SUSD4: variants seen among roughly 807,000 people sequenced by gnomAD.
SUSD4 encodes the protein sushi domain containing 4, also known as sushi domain-containing protein 4.
In SUSD4, 41 loss-of-function variants were observed where a neutral mutation model predicts 50.5. The observed-to-expected ratio is 0.81, with a 90% CI of 0.63 to 1.05. The LOEUF (loss-of-function observed/expected upper bound fraction) is 1.05, where lower values mean the gene tolerates loss of function less well. Among genes scored for constraint, SUSD4 ranks in the 50% least tolerant of loss-of-function variants. SUSD4 has a pLI of 0.00. For missense variants in SUSD4, 580 were observed against 634.7 expected, an observed-to-expected ratio of 0.91 and a Z score of 0.93; for synonymous variants, 257 against 257.3, an observed-to-expected ratio of 1.00 and a Z score of 0.01.
chr1:223,278,924 T>G (rs573985267), intron 3 of SUSD4, among the ~76,000 whole-genome samples: 7 of 152,362 alleles, frequency 4.6e-5, no homozygotes, highest in African/African-American at 4.8e-5. Flanking sequence ...TTTGCCGTTC[T>G]GCAGCCTCCA....
intron 2 of SUSD4, among the ~76,000 whole-genome samples, chr1:223,361,502 G>GA (rs1668976194): frequency 6.6e-6 from 1 of 151,966 alleles, no homozygotes; most frequent in Admixed American, 6.6e-5. Context: ...GGAAGGCAGG[G>GA]AAAAAAGACA....
chr1:223,271,783 C>A (rs1318555246), intron 3 of SUSD4, among the ~76,000 whole-genome samples: 1 of 152,138 alleles, frequency 6.6e-6, no homozygotes, highest in East Asian at 1.9e-4. Context: ...CCAGTGAGTT[C>A]TCTGTAGTAG....
intron 5 of SUSD4, among the ~76,000 whole-genome samples, chr1:223,256,360 G>C (rs189643924): frequency 1.3e-3 from 192 of 152,288 alleles, no homozygotes; most frequent in African/African-American, 4.4e-3. Context: ...TAAGGCCAAG[G>C]GGTGTGACCA....
At chr1:223,290,720 T>G (rs970069619) in intron 3 of SUSD4, among the ~76,000 whole-genome samples, 1 of 150,704 alleles carries the variant, frequency 6.6e-6, no homozygotes, top group Non-Finnish European at 1.5e-5. Context: ...TGCAGACCAG[T>G]ACAATAGAAG....
intron 3 of SUSD4, among the ~76,000 whole-genome samples, chr1:223,274,959 C>T (rs1237728129): frequency 3.3e-5 from 5 of 152,182 alleles, no homozygotes; most frequent in African/African-American, 4.8e-5. Context: ...TCTAAACAAC[C>T]TATGAGTCCA....
intron 2 of SUSD4, among the ~76,000 whole-genome samples, chr1:223,316,392 G>A (rs1666192176): frequency 6.6e-6 from 1 of 152,116 alleles, no homozygotes; most frequent in Non-Finnish European, 1.5e-5. Context: ...GTTATCGCTA[G>A]GAATGGCTCC....
intron 2 of SUSD4, among the ~76,000 whole-genome samples, chr1:223,341,017 T>G (rs561529854): frequency 6.6e-6 from 1 of 152,358 alleles, no homozygotes; most frequent in Non-Finnish European, 1.5e-5. Context: ...ATACACATGT[T>G]TGATATGGAA....
At chr1:223,234,975 T>C (rs1249016422) in intron 5 of SUSD4, 2 of 1,589,862 alleles carry the variant, frequency 1.3e-6, no homozygotes, top group Non-Finnish European at 1.7e-6. Context: ...GTGGTGGTGC[T>C]AGTTGAGGAA....
rs186259892 is a variant in SUSD4, at chr1:223,271,639, T to A, written c.362-2964A>T. On this transcript the variant is annotated intron_variant, in intron 3 of 8. Coordinates refer to ENST00000366878, the MANE Select transcript of SUSD4 (RefSeq NM_017982.4). Reference sequence around the variant, plus strand: ...ACAAAACAAACACAGATCAGCTCTATCAAAAAAGTCAACCTTGACAGAGAA... The same window carrying A: ...ACAAAACAAACACAGATCAGCTCTAACAAAAAAGTCAACCTTGACAGAGAA... Among the ~76,000 whole-genome samples the A allele has an allele frequency of 2.2e-3, 342 of 152,222 alleles. 3 individuals are homozygous for A. Among genetic ancestry groups the A allele is most frequent in the African/African-American group, 7.8e-3 (325 of 41,524 alleles).
chr1:223,298,745 G>C (rs1355258172), intron 2 of SUSD4, among the ~76,000 whole-genome samples: 1 of 152,192 alleles, frequency 6.6e-6, no homozygotes, highest in Non-Finnish European at 1.5e-5. Flanking sequence ...AATAAATGAT[G>C]AGAGTTTCAT....
intron 2 of SUSD4, among the ~76,000 whole-genome samples, chr1:223,345,431 C>T (rs1446586123): frequency 6.6e-6 from 1 of 152,020 alleles, no homozygotes; most frequent in Non-Finnish European, 1.5e-5. Flanking sequence ...GGTCCAGATC[C>T]AGGCCCTGAC....
intron 5 of SUSD4, chr1:223,234,834 C>A: frequency 7.4e-7 from 1 of 1,359,146 alleles, no homozygotes; most frequent in Non-Finnish European, 9.7e-7. Flanking sequence ...ACCTTCAAAA[C>A]AATGCCAGTT....
chr1:223,251,119 T>A (rs1265794950), intron 5 of SUSD4, among the ~76,000 whole-genome samples: 1 of 152,198 alleles, frequency 6.6e-6, no homozygotes, highest in African/African-American at 2.4e-5. Flanking sequence ...TAATCCAATA[T>A]GACTGTTATG....
In SUSD4 at chr1:223,334,746, G is replaced by A. The variant is rs770378459; in HGVS notation, c.148+28532C>T. Among the ~76,000 whole-genome samples the A allele has an allele frequency of 8.5e-5, 13 of 152,226 alleles. No individual in the cohort carries two copies. The South Asian group carries it at 1.0e-3, about 12-fold the overall frequency. ...GAGAACAGGTGGTATTTGGTTACAT[G>A]AGTAAGTTCTTTAGTGGTGATTTGT... is the stretch of plus-strand genomic sequence containing the variant. On this transcript the variant is annotated intron_variant, in intron 2 of 8. Transcript: ENST00000366878.
intron 2 of SUSD4, among the ~76,000 whole-genome samples, chr1:223,348,040 C>T (rs1352367579): frequency 6.6e-6 from 1 of 152,052 alleles, no homozygotes; most frequent in Non-Finnish European, 1.5e-5. Flanking sequence ...AACCCCAAGC[C>T]CAGACTGAGT....
rs1224530748 is a variant in SUSD4, at chr1:223,229,931, C to T, written c.725-543G>A. 2.0e-5 allele frequency among the ~76,000 whole-genome samples: 3 copies of T among 152,180 alleles called. No homozygotes were observed. Among genetic ancestry groups the T allele is most frequent in the Non-Finnish European group, 4.4e-5 (3 of 68,028 alleles). ...TCTAGCTCTGCTTGCAGAGCCAGGG[C>T]ACAGCCTCCAGGGCAACCAGAGTTA... On this transcript the variant is annotated intron_variant, in intron 5 of 8. Transcript: ENST00000366878. This position sits in a 1 kb window ranked among gnomAD's most constrained non-coding sequence, Gnocchi z 4.7.
At chr1:223,336,394 T>C (rs901818289) in intron 2 of SUSD4, among the ~76,000 whole-genome samples, 2 of 152,198 alleles carry the variant, frequency 1.3e-5, no homozygotes, top group Admixed American at 1.3e-4. Flanking sequence ...GTATCTAAAT[T>C]TTATAAATCA....
chr1:223,332,695 C>T lies in SUSD4; in HGVS notation c.148+30583G>A, dbSNP rs1667241345. On this transcript the variant is annotated intron_variant, in intron 2 of 8. Transcript: ENST00000366878. This position sits in a 1 kb window ranked among gnomAD's most constrained non-coding sequence, Gnocchi z 4.0. Reference sequence around the variant, plus strand: ...AGCCGTGGGGAGACAGGCATCTCCTCGGACAAGCCTCTCCTTCAGGGCGTG... The same window carrying T: ...AGCCGTGGGGAGACAGGCATCTCCTTGGACAAGCCTCTCCTTCAGGGCGTG... Among the ~76,000 whole-genome samples the T allele has an allele frequency of 6.6e-6, 1 of 152,134 alleles. No homozygotes were observed. The highest frequency in any genetic ancestry group is 6.5e-5 in the Admixed American group (1 of 15,284).
At chr1:223,355,378 C>A (rs1309412351) in intron 2 of SUSD4, among the ~76,000 whole-genome samples, 2 of 151,880 alleles carry the variant, frequency 1.3e-5, no homozygotes, top group East Asian at 1.9e-4. Context: ...CCGGCCACAC[C>A]CAGCTAATTT....
Sources: gnomAD v4.1 joint callset for allele counts (sites outside exome capture counted in the v4.1 genomes callset) on GRCh38, gnomAD v4.1.1 for gene constraint, Gnocchi (gnomAD v3.1) non-coding constraint, MANE v1.5 for transcripts, NCBI Gene and HGNC (gene_info 2026-07-23, HGNC 2026-07-21) for gene names.